Variants in PITPNC1 observed in about 807,000 individuals in gnomAD.
PITPNC1 encodes cytoplasmic phosphatidylinositol transfer protein 1.
Under a neutral mutation model 44.7 loss-of-function variants are expected in PITPNC1, and 18 were observed. That is an observed-to-expected ratio of 0.40 (90% CI 0.28 to 0.60). The LOEUF (loss-of-function observed/expected upper bound fraction) is 0.60, where lower values mean the gene tolerates loss of function less well. Among genes scored for constraint, PITPNC1 ranks in the 20% least tolerant of loss-of-function variants. The probability of loss-of-function intolerance (pLI) is 0.39; values close to 1 mark genes in which losing one functional copy is unlikely to be tolerated. For synonymous variants in PITPNC1, 141 were observed against 149.6 expected (o/e 0.94, Z 0.42); for missense variants, 290 against 418.4 (o/e 0.69, Z 2.68).
intron 1 of PITPNC1, among the ~76,000 whole-genome samples, chr17:67,514,895 ATAGT>A (rs1219530821): frequency 1.3e-5 from 2 of 152,196 alleles, no homozygotes; most frequent in African/African-American, 4.8e-5. Context: ...CACTGGAGTC[ATAGT>A]TAGGATTATT....
At position 67,692,905 on chromosome 17, in the gene PITPNC1, CA is replaced by C; in HGVS notation, c.*18del. 1 of 1,407,704 alleles carries C rather than the reference CA, an allele frequency of 7.1e-7. No homozygotes were observed. Among genetic ancestry groups the C allele is most frequent in the East Asian group, 2.3e-5 (1 of 43,394 alleles). The allele number at this position is 1,407,704 out of a possible 1,614,324, so 87.2% of individuals were successfully genotyped here. ...TCTGAGTAACTTTATATAAATATCT[CA>C]TGGGGTTTTATATTTTCATTTGTTG... On this transcript the variant is annotated 3_prime_UTR_variant, in exon 9 of 9. Coordinates refer to ENST00000581322, the MANE Select transcript of PITPNC1 (RefSeq NM_012417.4).
intron 1 of PITPNC1, among the ~76,000 whole-genome samples, chr17:67,495,556 C>T (rs1446459302): frequency 2.0e-5 from 3 of 152,094 alleles, no homozygotes; most frequent in African/African-American, 4.8e-5. Flanking sequence ...CAAGCAGGCC[C>T]CCAATGTCTG....
intron 1 of PITPNC1, among the ~76,000 whole-genome samples, chr17:67,382,408 A>C (rs1304830724): frequency 6.6e-6 from 1 of 151,988 alleles, no homozygotes; most frequent in Non-Finnish European, 1.5e-5. Flanking sequence ...AATTAATAAA[A>C]GTAACATTCC....
chr17:67,439,632 A>G (rs376664260), intron 1 of PITPNC1, among the ~76,000 whole-genome samples: 3 of 152,176 alleles, frequency 2.0e-5, no homozygotes, highest in East Asian at 1.9e-4. Context: ...GAAAAATTAT[A>G]TATATTTATA....
chr17:67,545,371 C>G (rs902002191), intron 2 of PITPNC1, among the ~76,000 whole-genome samples: 1 of 151,586 alleles, frequency 6.6e-6, no homozygotes, highest in African/African-American at 2.4e-5. Context: ...TGAGGTCAGG[C>G]GTTTGAGACC....
chr17:67,495,059 T>TG (rs1472576935), intron 1 of PITPNC1, among the ~76,000 whole-genome samples: 4 of 103,242 alleles, frequency 3.9e-5, no homozygotes, highest in African/African-American at 1.4e-4. Flanking sequence ...TTTGTTTTTT[T>TG]TTTTTTTTTT....
intron 1 of PITPNC1, among the ~76,000 whole-genome samples, chr17:67,419,265 G>A (rs58617185): frequency 6.6e-6 from 1 of 152,152 alleles, no homozygotes; most frequent in Admixed American, 6.5e-5. Context: ...ATGTGGTGGA[G>A]AAATGGAAGC....
intron 2 of PITPNC1, among the ~76,000 whole-genome samples, chr17:67,549,310 G>T (rs1436174063): frequency 6.6e-6 from 1 of 152,172 alleles, no homozygotes; most frequent in African/African-American, 2.4e-5. Flanking sequence ...CCAGGAGACG[G>T]AGGTTGCAGT....
rs928906931 is a variant in PITPNC1, at chr17:67,489,554, G to A, written c.49-43248G>A. ...TGTGGCTTATTGATGTCCAGACCCC[G>A]CCTCTGATCCCGCCTCTAGAGATTC... is the stretch of plus-strand genomic sequence containing the variant. On this transcript the variant is annotated intron_variant, in intron 1 of 8. Coordinates refer to ENST00000581322, the MANE Select transcript of PITPNC1 (RefSeq NM_012417.4). Among the ~76,000 whole-genome samples the A allele has an allele frequency of 3.9e-5, 6 of 152,156 alleles. No homozygotes were observed. In the East Asian group the frequency reaches 7.7e-4, roughly 20 times the overall value.
intron 6 of PITPNC1, among the ~76,000 whole-genome samples, chr17:67,655,162 G>C (rs1224426936): frequency 1.3e-5 from 2 of 152,212 alleles, no homozygotes; most frequent in Non-Finnish European, 2.9e-5. Context: ...GACAGATTCA[G>C]TGCCTGGAGA....
intron 1 of PITPNC1, among the ~76,000 whole-genome samples, chr17:67,438,579 G>A (rs1011155334): frequency 3.9e-5 from 6 of 152,210 alleles, no homozygotes; most frequent in Non-Finnish European, 7.3e-5. Flanking sequence ...GCCTCCTAAA[G>A]TGTTGGGATT....
At chr17:67,415,545 C>G (rs191053327) in intron 1 of PITPNC1, among the ~76,000 whole-genome samples, 41 of 152,328 alleles carry the variant, frequency 2.7e-4, no homozygotes, top group Admixed American at 5.9e-4. Flanking sequence ...CAAATCAAAC[C>G]ACCGTTCCCC....
At chr17:67,610,861 C>T (rs2041678444) in intron 5 of PITPNC1, among the ~76,000 whole-genome samples, 1 of 147,406 alleles carries the variant, frequency 6.8e-6, no homozygotes, top group Non-Finnish European at 1.5e-5. Context: ...GCGGAGGTTG[C>T]AGTGAGCCGA....
At chr17:67,406,631 G>A (rs2038405355) in intron 1 of PITPNC1, among the ~76,000 whole-genome samples, 1 of 149,710 alleles carries the variant, frequency 6.7e-6, no homozygotes, top group African/African-American at 2.5e-5. Flanking sequence ...CTGTCTAGCA[G>A]GCTGGAGTCC....
intron 4 of PITPNC1, among the ~76,000 whole-genome samples, chr17:67,560,921 A>G (rs944610691): frequency 2.2e-4 from 34 of 152,174 alleles, no homozygotes; most frequent in African/African-American, 7.7e-4. Flanking sequence ...GTTTAAGGGA[A>G]TGTTTGGTAG....
At chr17:67,426,283 A>G (rs1209261198) in intron 1 of PITPNC1, among the ~76,000 whole-genome samples, 1 of 152,168 alleles carries the variant, frequency 6.6e-6, no homozygotes, top group Non-Finnish European at 1.5e-5. Flanking sequence ...AATATAAATC[A>G]TTCTACTATA....
intron 1 of PITPNC1, among the ~76,000 whole-genome samples, chr17:67,441,167 C>A (rs2039007325): frequency 6.6e-6 from 1 of 152,178 alleles, no homozygotes; most frequent in African/African-American, 2.4e-5. Context: ...AGCTCCTTGT[C>A]TGGGACCAGC....
At chr17:67,649,297 C>T (rs2042183936) in intron 6 of PITPNC1, among the ~76,000 whole-genome samples, 1 of 152,238 alleles carries the variant, frequency 6.6e-6, no homozygotes, top group African/African-American at 2.4e-5. Flanking sequence ...TGCTGCCCAT[C>T]TGGAAATTTC....
At chr17:67,505,414 T>C (rs1286634551) in intron 1 of PITPNC1, among the ~76,000 whole-genome samples, 5 of 152,246 alleles carry the variant, frequency 3.3e-5, no homozygotes. Context: ...GTTAGGCACA[T>C]ACCTGTTTAT....
Sources: gnomAD v4.1 joint callset for allele counts (sites outside exome capture counted in the v4.1 genomes callset) on GRCh38, gnomAD v4.1.1 for gene constraint, MANE v1.5 for transcripts, NCBI Gene and HGNC (gene_info 2026-07-23, HGNC 2026-07-21) for gene names.